IRF2: variants seen among roughly 807,000 people sequenced by gnomAD.
IRF2 encodes the protein interferon regulatory factor 2.
IRF2 carries 15 observed loss-of-function variants against 40.6 expected under a neutral mutation model. That is an observed-to-expected ratio of 0.37 (90% confidence interval 0.25 to 0.57). The LOEUF is 0.57. Among genes scored for constraint, IRF2 ranks in the 20% least tolerant of loss-of-function variants. IRF2 has a pLI of 0.77. For synonymous variants in IRF2, 151 were observed against 165.5 expected, an observed-to-expected ratio of 0.91 and a Z score of 0.67; for missense variants, 317 against 455.7, an observed-to-expected ratio of 0.70 and a Z score of 2.77.
At chr4:184,390,858 C>T (rs952830994) in intron 7 of IRF2, 109 bp from the exon 8 acceptor site, 2 of 1,071,598 alleles carry the variant, frequency 1.9e-6, no homozygotes, top group East Asian at 4.8e-5. Flanking sequence ...GCATCACCTC[C>T]CTCCCTTTGT....
intron 1 of IRF2, among the ~76,000 whole-genome samples, chr4:184,450,996 G>A (rs972976905): frequency 6.6e-6 from 1 of 152,136 alleles, no homozygotes; most frequent in Non-Finnish European, 1.5e-5. Flanking sequence ...AAGCACAAAT[G>A]CAAAAACAGA....
chr4:184,434,690 C>T (rs1738015193), intron 1 of IRF2, among the ~76,000 whole-genome samples: 1 of 152,196 alleles, frequency 6.6e-6, no homozygotes, highest in Admixed American at 6.5e-5. Context: ...GGTGCCAAGC[C>T]TGCTATATAA....
chr4:184,454,734 C>T (rs549107863), intron 1 of IRF2, among the ~76,000 whole-genome samples: 1 of 152,302 alleles, frequency 6.6e-6, no homozygotes, highest in South Asian at 2.1e-4. Flanking sequence ...TCAAGCACAC[C>T]TGAACTGGAA....
intron 1 of IRF2, among the ~76,000 whole-genome samples, chr4:184,439,337 G>A (rs528937305): frequency 8.9e-5 from 13 of 146,554 alleles, no homozygotes; most frequent in South Asian, 2.2e-4. Flanking sequence ...AAAAAGCGGG[G>A]CGGAGCGGGG....
intron 3 of IRF2, 32 bp from the exon 4 acceptor site, chr4:184,418,740 G>A (rs4861623): frequency 0.073 from 115,539 of 1,578,184 alleles, 4,812 homozygotes; most frequent in South Asian, 0.11. Flanking sequence ...AAGAAAAAGA[G>A]AGAAAACATT....
At chr4:184,419,325 T>C (rs1186560319) in intron 3 of IRF2, 144 bp downstream of exon 3, 2 of 652,618 alleles carry the variant, frequency 3.1e-6, no homozygotes, top group Non-Finnish European at 5.5e-6. Flanking sequence ...TTGTACCCCA[T>C]GTGTCCTGGA....
chr4:184,413,649 A>G lies in IRF2; in HGVS notation c.411+4518T>C, dbSNP rs948835528. The stretch of plus-strand genomic sequence containing the variant: ...TACCCATAGGTCTGTGCTCAGAACG[A>G]ATACAGACCAGGCCTAATCTTTTCC... On this transcript the variant is annotated intron_variant, in intron 5 of 8. Coordinates refer to ENST00000393593, the MANE Select transcript of IRF2 (RefSeq NM_002199.4). This position sits in a 1 kb window ranked among gnomAD's most constrained non-coding sequence, Gnocchi z 4.2. Among the ~76,000 whole-genome samples the G allele has an allele frequency of 1.3e-5, 2 of 152,200 alleles. No individual in the cohort carries two copies. Among genetic ancestry groups the G allele is most frequent in the Non-Finnish European group, 2.9e-5 (2 of 68,032 alleles).
At chr4:184,427,318 G>A (rs1023072653) in intron 2 of IRF2, among the ~76,000 whole-genome samples, 7 of 152,210 alleles carry the variant, frequency 4.6e-5, no homozygotes, top group African/African-American at 1.4e-4. Context: ...GCCTCACCTT[G>A]TTTCAGAAAG....
chr4:184,470,470 C>T (rs1292320194), intron 1 of IRF2, among the ~76,000 whole-genome samples: 2 of 152,088 alleles, frequency 1.3e-5, no homozygotes, highest in Non-Finnish European at 2.9e-5. Context: ...CACCTGAGGT[C>T]AGGAGTTCGA....
Position 184,428,918 on chromosome 4 carries a change from C to T in IRF2, c.87+60G>A, listed in dbSNP as rs1015254329. 3.1e-5 allele frequency: 41 copies of T among 1,322,852 alleles called. 1 individual carries two copies. Among genetic ancestry groups the T allele is most frequent in the African/African-American group, 2.7e-4 (19 of 69,332 alleles). 81.9% of individuals were successfully genotyped at this position (1,322,852 alleles called of 1,614,324 possible). On this transcript the variant is annotated intron_variant, in intron 2 of 8. Coordinates refer to ENST00000393593, the MANE Select transcript of IRF2 (RefSeq NM_002199.4). ...ACACACGATTTTACTTTCAGCAGTC[C>T]GCATGGGCGTGTTTCAGCCAGGACC...
chr4:184,402,340 C>G (rs991312494), intron 6 of IRF2, among the ~76,000 whole-genome samples: 2 of 152,142 alleles, frequency 1.3e-5, no homozygotes, highest in African/African-American at 4.8e-5. Context: ...TCTGGAGCCC[C>G]TTCCTGACCC....
At chr4:184,469,107 C>A (rs1264992983) in intron 1 of IRF2, among the ~76,000 whole-genome samples, 2 of 152,164 alleles carry the variant, frequency 1.3e-5, no homozygotes, top group African/African-American at 2.4e-5. Context: ...TGTGTTACTA[C>A]ATTTAACAAA....
At chr4:184,407,882 T>C (rs1736917232) in intron 6 of IRF2, among the ~76,000 whole-genome samples, 1 of 152,202 alleles carries the variant, frequency 6.6e-6, no homozygotes, top group African/African-American at 2.4e-5. Context: ...AGTGAAAGAC[T>C]GGGATCGCTA....
intron 1 of IRF2, among the ~76,000 whole-genome samples, chr4:184,457,208 CAG>C (rs1263994648): frequency 2.6e-5 from 4 of 152,230 alleles, no homozygotes; most frequent in Non-Finnish European, 5.9e-5. Flanking sequence ...TTGACCTTGA[CAG>C]AGGGGAATTT....
At chr4:184,398,655 C>CAA (rs755314172) in intron 7 of IRF2, among the ~76,000 whole-genome samples, 38 of 146,994 alleles carry the variant, frequency 2.6e-4, no homozygotes, top group African/African-American at 5.4e-4. Context: ...GACTCTGTCT[C>CAA]AAAAAAAAAA....
chr4:184,457,593 C>CA (rs766915920), intron 1 of IRF2, among the ~76,000 whole-genome samples: 20 of 152,054 alleles, frequency 1.3e-4, no homozygotes, highest in Non-Finnish European at 2.4e-4. Context: ...AAAGAGAGTA[C>CA]AAAAAATATT....
intron 1 of IRF2, among the ~76,000 whole-genome samples, chr4:184,450,971 A>C (rs1738694094): frequency 6.6e-6 from 1 of 152,134 alleles, no homozygotes; most frequent in African/African-American, 2.4e-5. Flanking sequence ...CAAACCGAAA[A>C]GACTAAATAC....
intron 1 of IRF2, among the ~76,000 whole-genome samples, chr4:184,471,427 T>C (rs1739510322): frequency 6.6e-6 from 1 of 152,232 alleles, no homozygotes; most frequent in Non-Finnish European, 1.5e-5. Flanking sequence ...GTTCTAAGGA[T>C]ATTTATTGAG....
chr4:184,390,190 C>A (rs1736204589), intron 8 of IRF2, among the ~76,000 whole-genome samples: 1 of 152,188 alleles, frequency 6.6e-6, no homozygotes, highest in African/African-American at 2.4e-5. Flanking sequence ...CACTTTCTGC[C>A]ATTGTGCACG....
Sources: allele counts gnomAD v4.1 joint callset (sites outside exome capture counted in the v4.1 genomes callset), GRCh38; gene constraint gnomAD v4.1.1; non-coding constraint Gnocchi (gnomAD v3.1); transcripts MANE v1.5; gene names NCBI Gene and HGNC (gene_info 2026-07-23, HGNC 2026-07-21).